The following ANO3 variants were observed in gnomAD, a reference collection of about 807,000 sequenced individuals.
The protein encoded by ANO3 is anoctamin 3.
A neutral mutation model predicts 144.8 loss-of-function variants in ANO3; 99 were observed. The ratio of observed to expected loss-of-function variants is 0.68; its 90% CI spans 0.58 to 0.81. The LOEUF (loss-of-function observed/expected upper bound fraction) is 0.81, where lower values mean the gene tolerates loss of function less well. Ranked by LOEUF, ANO3 falls within the 30% of genes least tolerant of loss-of-function variation. The probability of loss-of-function intolerance (pLI) is 0.00; values close to 1 mark genes in which losing one functional copy is unlikely to be tolerated. For missense variants in ANO3, 905 were observed against 1,202.2 expected (o/e 0.75, Z 3.66); for synonymous variants, 414 against 392.6 (o/e 1.05, Z -0.64).
chr11:26,435,960 C>A (rs1858280854), intron 1 of ANO3, among the ~76,000 whole-genome samples: 1 of 152,136 alleles, frequency 6.6e-6, no homozygotes, highest in South Asian at 2.1e-4. Context: ...AGGTAAAACA[C>A]CCTGACCACT....
chr11:26,512,829 C>A (rs931362870), intron 5 of ANO3, among the ~76,000 whole-genome samples: 1 of 152,176 alleles, frequency 6.6e-6, no homozygotes, highest in Non-Finnish European at 1.5e-5. Flanking sequence ...CCTGACACAG[C>A]ACCCTCTTCC....
intron 1 of ANO3, among the ~76,000 whole-genome samples, chr11:26,223,751 A>C (rs1452937965): frequency 6.6e-6 from 1 of 151,788 alleles, no homozygotes; most frequent in Non-Finnish European, 1.5e-5. Context: ...TACTCATGGC[A>C]CAAAGTCAAG....
intron 6 of ANO3, among the ~76,000 whole-genome samples, chr11:26,521,267 T>A (rs392240): frequency 0.64 from 97,228 of 152,010 alleles, 31,369 homozygotes; most frequent in East Asian, 0.8. Flanking sequence ...AACATATGTA[T>A]CTCTTTTTAG....
intron 3 of ANO3, among the ~76,000 whole-genome samples, chr11:26,452,318 G>A (rs569891453): frequency 6.6e-6 from 1 of 152,274 alleles, no homozygotes; most frequent in Admixed American, 6.5e-5. Flanking sequence ...AGGCAAAGAA[G>A]TTGAAAACTT....
intron 4 of ANO3, among the ~76,000 whole-genome samples, chr11:26,486,030 A>G (rs1410112343): frequency 6.6e-6 from 1 of 152,128 alleles, no homozygotes; most frequent in Non-Finnish European, 1.5e-5. Flanking sequence ...AAATGTGTAT[A>G]TCAATAAAGC....
At chr11:26,204,228 T>G (rs1217615918) in intron 1 of ANO3, among the ~76,000 whole-genome samples, 1 of 152,106 alleles carries the variant, frequency 6.6e-6, no homozygotes, top group Admixed American at 6.6e-5. Flanking sequence ...CCCCTTATTA[T>G]AGAGTTTTAT....
At chr11:26,563,389 CTCTCTCTGTG>C in intron 14 of ANO3, 1 of 862,822 alleles carries the variant, frequency 1.2e-6, no homozygotes, top group South Asian at 2.2e-5. Context: ...TGGTGTGTTT[CTCTCTCTGTG>C]TGTGTGTGTG....
chr11:26,651,429 CA>C (rs1261274240), intron 24 of ANO3, among the ~76,000 whole-genome samples: 2 of 152,144 alleles, frequency 1.3e-5, no homozygotes, highest in East Asian at 3.9e-4. Context: ...ATTCTTCAAC[CA>C]AAACAACATA....
At chr11:26,390,877 T>C (rs1486627350) in intron 1 of ANO3, among the ~76,000 whole-genome samples, 2 of 152,068 alleles carry the variant, frequency 1.3e-5, no homozygotes, top group Non-Finnish European at 2.9e-5. Flanking sequence ...AGATAAAAAT[T>C]AGGGCAAGTT....
rs545680313 is a variant in ANO3 at position 26,431,159 on chromosome 11, C to T, written c.47-10759C>T. 3.2e-4 allele frequency among the ~76,000 whole-genome samples: 49 copies of T among 152,280 alleles called. No individual in the cohort carries two copies. In the South Asian group the frequency reaches 3.9e-3, roughly 12 times the overall value. ...TAATCATAATTTAAAGTTAAAAGAC[C>T]TTATGTGACTGATTGTTATTGTACT... On this transcript the variant is annotated intron_variant, in intron 1 of 26. Transcript: ENST00000256737.
intron 14 of ANO3, chr11:26,565,964 T>C (rs1850564389): frequency 6.8e-6 from 9 of 1,323,178 alleles, no homozygotes; most frequent in African/African-American, 3.0e-5. Context: ...TGGATCTATA[T>C]ATTTTAAAGT....
chr11:26,488,701 G>A (rs1860571506), intron 4 of ANO3, among the ~76,000 whole-genome samples: 1 of 152,180 alleles, frequency 6.6e-6, no homozygotes, highest in Non-Finnish European at 1.5e-5. Flanking sequence ...GAATGAAGCT[G>A]CAGACCTTCG....
intron 1 of ANO3, among the ~76,000 whole-genome samples, chr11:26,193,683 AT>A (rs1174325159): frequency 6.6e-6 from 1 of 152,098 alleles, no homozygotes; most frequent in Admixed American, 6.6e-5. Context: ...TGATATTCTT[AT>A]TTTTTTACAA....
intron 1 of ANO3, among the ~76,000 whole-genome samples, chr11:26,374,258 A>G (rs1856342293): frequency 6.6e-6 from 1 of 152,194 alleles, no homozygotes; most frequent in Non-Finnish European, 1.5e-5. Context: ...TATGCATCAA[A>G]TATTATTTGA....
In ANO3 at chr11:26,559,741, G is replaced by C. The variant is rs1850207074; in HGVS notation, c.1409G>C (p.Gly470Ala). 2 of 1,611,948 alleles carry C rather than the reference G, an allele frequency of 1.2e-6. No homozygotes were observed. The highest frequency in any genetic ancestry group is 1.7e-6 in the Non-Finnish European group (2 of 1,178,610). Reference sequence around the variant, plus strand: ...CAGGTGACATATTTGTTCGATAATGGAGGGACAGTCTTCTTTGCTATTTTT... The same window carrying C: ...CAGGTGACATATTTGTTCGATAATGCAGGGACAGTCTTCTTTGCTATTTTT... Reference protein sequence around the residue: ...YAKVTYLFDNGGTVFFAIFMA... With the variant: ...YAKVTYLFDNAGTVFFAIFMA... Residue 470 changes from glycine (G) to alanine (A), a missense_variant, in exon 14 of 27, where the codon GGA becomes GCA. Physicochemically the swap from Gly to Ala is moderately conservative, Grantham distance 60 (BLOSUM62 0). Around this residue, in one of 4 missense-constraint regions of ANO3, gnomAD observed 597 missense variants for 865.1 expected, o/e 0.69. Coordinates refer to ENST00000256737, the MANE Select transcript of ANO3 (RefSeq NM_031418.4).
intron 3 of ANO3, among the ~76,000 whole-genome samples, chr11:26,451,863 T>C (rs1039437477): frequency 2.0e-5 from 3 of 152,112 alleles, no homozygotes; most frequent in Non-Finnish European, 4.4e-5. Context: ...ACACCTCACA[T>C]GGCCGGGTAC....
At chr11:26,257,565 G>A (rs1404836883) in intron 1 of ANO3, among the ~76,000 whole-genome samples, 2 of 152,042 alleles carry the variant, frequency 1.3e-5, no homozygotes, top group Non-Finnish European at 2.9e-5. Context: ...TATGGAGTCA[G>A]CATCAGCATC....
At chr11:26,433,137 G>A (rs1478382952) in intron 1 of ANO3, among the ~76,000 whole-genome samples, 1 of 152,016 alleles carries the variant, frequency 6.6e-6, no homozygotes, top group Non-Finnish European at 1.5e-5. Flanking sequence ...TGTATTCCTA[G>A]GTATTTTTTG....
chr11:26,657,732 G>A (rs925486908), intron 26 of ANO3, among the ~76,000 whole-genome samples: 1 of 151,896 alleles, frequency 6.6e-6, no homozygotes, highest in African/African-American at 2.4e-5. Context: ...TACTTCAATG[G>A]TATTGTTTCA....
Sources: gnomAD v4.1 joint callset for allele counts (sites outside exome capture counted in the v4.1 genomes callset) on GRCh38, gnomAD v4.1.1 for gene constraint, gnomAD v4.1.1 regional missense constraint, MANE v1.5 for transcripts, NCBI Gene and HGNC (gene_info 2026-07-23, HGNC 2026-07-21) for gene names.